The following LARP1 variants were observed in gnomAD, a reference collection of about 807,000 sequenced individuals.
LARP1 encodes the protein La ribonucleoprotein 1, translational regulator.
LARP1 carries 36 observed loss-of-function variants against 122.7 expected under a neutral mutation model. The observed-to-expected ratio is 0.29, with a 90% confidence interval of 0.22 to 0.39. The LOEUF (loss-of-function observed/expected upper bound fraction) is 0.39, where lower values mean the gene tolerates loss of function less well. LARP1 is among the 10% of genes least tolerant of loss of function. LARP1 has a pLI of 1.00. For missense variants in LARP1, 1,040 were observed against 1,403.6 expected (o/e 0.74, Z 4.14); for synonymous variants, 539 against 528.7 (o/e 1.02, Z -0.27).
At chr5:154,782,603 ACT>A (rs925497666) in intron 1 of LARP1, among the ~76,000 whole-genome samples, 9 of 151,928 alleles carry the variant, frequency 5.9e-5, no homozygotes, top group African/African-American at 1.9e-4. Flanking sequence ...GGGGATGCAG[ACT>A]CTGCATTCCT....
intron 1 of LARP1, among the ~76,000 whole-genome samples, chr5:154,738,723 C>G (rs1033607018): frequency 1.2e-4 from 19 of 152,050 alleles, no homozygotes; most frequent in African/African-American, 4.3e-4. Flanking sequence ...TGCTGACCCC[C>G]TTATGAGATA....
chr5:154,705,065 C>G (rs1016704944), intron 1 of LARP1, among the ~76,000 whole-genome samples: 1 of 143,638 alleles, frequency 7.0e-6, no homozygotes, highest in South Asian at 2.2e-4. Context: ...TTGCAGTGAG[C>G]TGAGATTACG....
At chr5:154,768,594 T>C (rs1233924923) in intron 1 of LARP1, among the ~76,000 whole-genome samples, 1 of 152,140 alleles carries the variant, frequency 6.6e-6, no homozygotes, top group African/African-American at 2.4e-5. Context: ...ATTTATTTAT[T>C]TATTTGAGAC....
At chr5:154,758,746 G>A (rs535032159) in intron 1 of LARP1, among the ~76,000 whole-genome samples, 1 of 152,194 alleles carries the variant, frequency 6.6e-6, no homozygotes, top group East Asian at 1.9e-4. Context: ...TGCTGTAAAT[G>A]CCTATTTTTA....
intron 1 of LARP1, among the ~76,000 whole-genome samples, chr5:154,695,567 G>A (rs1754431559): frequency 6.6e-6 from 1 of 152,054 alleles, no homozygotes; most frequent in Non-Finnish European, 1.5e-5. Context: ...TGAGGCAGGA[G>A]AATCACTTGA....
chr5:154,728,229 T>C (rs1207408527), intron 1 of LARP1, among the ~76,000 whole-genome samples: 1 of 152,174 alleles, frequency 6.6e-6, no homozygotes, highest in Non-Finnish European at 1.5e-5. Context: ...AACCTTCTTT[T>C]AACAAGCAGC....
intron 18 of LARP1, 112 bp downstream of exon 18, chr5:154,811,752 C>T: frequency 4.7e-6 from 6 of 1,280,452 alleles, no homozygotes; most frequent in Non-Finnish European, 6.6e-6. Flanking sequence ...ACCCCTCTCC[C>T]TGCTCCCCAC....
chr5:154,760,573 T>C (rs971284698), intron 1 of LARP1, among the ~76,000 whole-genome samples: 7 of 152,178 alleles, frequency 4.6e-5, no homozygotes, highest in African/African-American at 1.7e-4. Context: ...TTATGTGCCT[T>C]ACAGTGTCTG....
At chr5:154,763,440 A>G (rs1010005871) in intron 1 of LARP1, among the ~76,000 whole-genome samples, 1 of 151,626 alleles carries the variant, frequency 6.6e-6, no homozygotes, top group African/African-American at 2.4e-5. Flanking sequence ...CTGTCCTTCT[A>G]ATTGCTCAGA....
intron 8 of LARP1, among the ~76,000 whole-genome samples, chr5:154,799,357 T>C (rs1324394134): frequency 1.3e-5 from 2 of 152,224 alleles, no homozygotes; most frequent in Non-Finnish European, 2.9e-5. Context: ...TTACTGGAAG[T>C]AGGATTGCAG....
chr5:154,777,765 TTA>T (rs1349090010), intron 1 of LARP1, among the ~76,000 whole-genome samples: 1 of 152,188 alleles, frequency 6.6e-6, no homozygotes, highest in Non-Finnish European at 1.5e-5. Flanking sequence ...CCTGATGTGA[TTA>T]TTATACCGTA....
At chr5:154,694,944 T>C (rs7723991) in intron 1 of LARP1, among the ~76,000 whole-genome samples, 101,139 of 151,898 alleles carry the variant, frequency 0.67, 33,942 homozygotes, top group Non-Finnish European at 0.7. Context: ...TCAAGCAATC[T>C]TCCTGCCTCA....
chr5:154,728,993 C>T (rs1035564372), intron 1 of LARP1, among the ~76,000 whole-genome samples: 8 of 152,142 alleles, frequency 5.3e-5, no homozygotes, highest in East Asian at 3.9e-4. Flanking sequence ...GTCTCTTTAT[C>T]GACATTTGCT....
At position 154,808,305 on chromosome 5, in the gene LARP1, T is replaced by C. The variant is rs574728854; in HGVS notation, c.2699-154T>C. 7.6e-4 allele frequency among the ~76,000 whole-genome samples: 116 copies of C among 152,220 alleles called. 1 individual carries two copies. The highest frequency in any genetic ancestry group is 8.7e-4 in the Non-Finnish European group (59 of 68,002). On this transcript the variant is annotated intron_variant, in intron 15 of 18. Coordinates refer to ENST00000518297, the MANE Select transcript of LARP1 (RefSeq NM_033551.3). ...CTGGGGCAGAGTGGTTAGTGCTCAA[T>C]AGATATCTGCTGAATGACTGAGTGG... is the stretch of plus-strand genomic sequence containing the variant.
At chr5:154,729,379 A>G (rs1756419611) in intron 1 of LARP1, 2 of 317,190 alleles carry the variant, frequency 6.3e-6, no homozygotes, top group Admixed American at 7.1e-5. Flanking sequence ...AAAAAGGAAT[A>G]CCCCACAAAT....
At chr5:154,715,193 A>G (rs1233142844) in intron 1 of LARP1, among the ~76,000 whole-genome samples, 1 of 151,516 alleles carries the variant, frequency 6.6e-6, no homozygotes, top group Non-Finnish European at 1.5e-5. Context: ...AAAAAGAAGA[A>G]ATTAAAGTTG....
intron 1 of LARP1, among the ~76,000 whole-genome samples, chr5:154,726,158 C>T (rs1022716087): frequency 6.6e-6 from 1 of 152,080 alleles, no homozygotes; most frequent in Non-Finnish European, 1.5e-5. Context: ...AAGTCTTCAG[C>T]TGGAGCTACC....
upstream of LARP1, chr5:154,712,754 C>G: frequency 1.6e-6 from 1 of 618,330 alleles, no homozygotes; most frequent in Non-Finnish European, 2.9e-6. Context: ...GGTGGGGTAG[C>G]CTTGCTCGGC....
chr5:154,756,720 T>G (rs2113552936), intron 1 of LARP1, among the ~76,000 whole-genome samples: 1 of 152,292 alleles, frequency 6.6e-6, no homozygotes, highest in East Asian at 1.9e-4. Flanking sequence ...ACAAGTTTTG[T>G]TCTCGGGGAG....
Sources: gnomAD v4.1 joint callset for allele counts (sites outside exome capture counted in the v4.1 genomes callset) on GRCh38, gnomAD v4.1.1 for gene constraint, MANE v1.5 for transcripts, NCBI Gene and HGNC (gene_info 2026-07-23, HGNC 2026-07-21) for gene names.